Variants in PCDHA1 observed in about 807,000 individuals in gnomAD.
The protein encoded by PCDHA1 is protocadherin alpha 1, also known as protocadherin alpha-1.
In PCDHA1, 42 loss-of-function variants were observed where a neutral mutation model predicts 61.3. The ratio of observed to expected loss-of-function variants is 0.69; its 90% CI spans 0.54 to 0.89. The LOEUF is 0.89. Among genes scored for constraint, PCDHA1 ranks in the 40% least tolerant of loss-of-function variants. The pLI is 0.00. For synonymous variants in PCDHA1, 610 were observed against 553.8 expected (o/e 1.10, Z -1.43); for missense variants, 1,256 against 1,235.3 (o/e 1.02, Z -0.25).
At chr5:140,856,842 C>T (rs782696740) in intron 1 of PCDHA1, 1 of 1,592,718 alleles carries the variant, frequency 6.3e-7, no homozygotes, top group South Asian at 1.1e-5. Context: ...CGGCTCAACG[C>T]TTCTGATTCG....
intron 1 of PCDHA1, chr5:140,929,372 G>A: frequency 1.3e-6 from 2 of 1,514,740 alleles, no homozygotes; most frequent in Non-Finnish European, 1.8e-6. Context: ...GGAGATGGCT[G>A]CTAGCTGTGT....
At chr5:140,795,397 T>C (rs376858335) in intron 1 of PCDHA1, 1 of 1,614,058 alleles carries the variant, frequency 6.2e-7, no homozygotes, top group African/African-American at 1.3e-5. Context: ...GTTTCCCGAA[T>C]CAAGGCTGCT....
At chr5:140,966,751 G>A (rs1554228608) in intron 1 of PCDHA1, 1 of 1,429,674 alleles carries the variant, frequency 7.0e-7, no homozygotes, top group Admixed American at 2.7e-5. Flanking sequence ...GGCTGCCTCC[G>A]CCGCGGCCAG....
chr5:141,004,642 C>T (rs1470971220), intron 3 of PCDHA1, among the ~76,000 whole-genome samples: 1 of 152,120 alleles, frequency 6.6e-6, no homozygotes, highest in African/African-American at 2.4e-5. Context: ...GAAAAATTTC[C>T]ATTTTGGGCT....
intron 1 of PCDHA1, chr5:140,836,819 CT>C: frequency 9.0e-7 from 1 of 1,113,456 alleles, no homozygotes; most frequent in Non-Finnish European, 1.3e-6. Context: ...TTCATAATTT[CT>C]TTTTTAGTTG....
At chr5:141,003,609 G>A (rs2098131688) in intron 3 of PCDHA1, among the ~76,000 whole-genome samples, 1 of 151,970 alleles carries the variant, frequency 6.6e-6, no homozygotes, top group Non-Finnish European at 1.5e-5. Context: ...CACCATTCCC[G>A]GCCCCAGAGG....
At position 140,787,846 on chromosome 5, in the gene PCDHA1, C is replaced by T. The variant is rs781896106; in HGVS notation, c.1556C>T (p.Ala519Val). 8.7e-6 allele frequency: 14 copies of T among 1,612,738 alleles called. No homozygotes were observed. The South Asian group carries it at 1.1e-4, about 13-fold the overall frequency. The change falls in exon 1 of 4, where the codon GCA becomes GTA. Residue 519 changes from alanine (A) to valine (V), a missense_variant. By Grantham distance (64) the Ala-to-Val change is moderately conservative. Transcript: ENST00000504120. ...CACGCGGAGAGCGGCAAGGTGTACGCACTGCAGCCCCTGGACCACGAGGAG... is the reference window on the plus strand; with the variant it reads ...CACGCGGAGAGCGGCAAGGTGTACGTACTGCAGCCCCTGGACCACGAGGAG... ...SVHAESGKVY[A>V]LQPLDHEELE...
At chr5:140,864,250 T>G (rs2048388075) in intron 1 of PCDHA1, 1 of 152,242 alleles carries the variant, frequency 6.6e-6, no homozygotes, top group Non-Finnish European at 1.5e-5. Flanking sequence ...ATTCATTTTC[T>G]TATTCTGATT....
At chr5:140,886,501 T>C (rs1171128056) in intron 1 of PCDHA1, among the ~76,000 whole-genome samples, 1 of 152,108 alleles carries the variant, frequency 6.6e-6, no homozygotes, top group Non-Finnish European at 1.5e-5. Flanking sequence ...TCTTTTTCCT[T>C]TTATGGATTT....
At chr5:140,808,465 C>T (rs372009115) in intron 1 of PCDHA1, 7 of 1,614,064 alleles carry the variant, frequency 4.3e-6, no homozygotes, top group Admixed American at 1.7e-5. Flanking sequence ...TGGTGGTGAC[C>T]GCGCGAGACG....
chr5:140,941,242 T>TC (rs1312617364), intron 1 of PCDHA1, among the ~76,000 whole-genome samples: 1 of 141,172 alleles, frequency 7.1e-6, no homozygotes, highest in East Asian at 2.0e-4. Flanking sequence ...TTTCTTTCTT[T>TC]CTTTCTTTCT....
intron 3 of PCDHA1, among the ~76,000 whole-genome samples, chr5:141,007,525 G>C (rs782132903): frequency 1.3e-4 from 19 of 151,814 alleles, no homozygotes; most frequent in Non-Finnish European, 2.5e-4. Context: ...CTGATATCTC[G>C]CCACTGCACT....
intron 1 of PCDHA1, among the ~76,000 whole-genome samples, chr5:140,919,974 TAG>T (rs2153555647): frequency 7.5e-6 from 1 of 134,116 alleles, no homozygotes; most frequent in African/African-American, 2.6e-5. Context: ...AAATAAGAGA[TAG>T]AAGATGGAAA....
chr5:140,802,938 G>A (rs1581656451), intron 1 of PCDHA1: 1 of 1,613,838 alleles, frequency 6.2e-7, no homozygotes, highest in Non-Finnish European at 8.5e-7. Flanking sequence ...GAGCGAGCTG[G>A]TGCCGCGGTC....
chr5:140,935,405 A>G (rs1554210493), intron 1 of PCDHA1, among the ~76,000 whole-genome samples: 1 of 152,248 alleles, frequency 6.6e-6, no homozygotes, highest in Non-Finnish European at 1.5e-5. Context: ...GGACTCAAAC[A>G]ATGGACTTAG....
At chr5:140,966,914 G>A in intron 1 of PCDHA1, 1 of 1,602,270 alleles carries the variant, frequency 6.2e-7, no homozygotes, top group Non-Finnish European at 8.5e-7. Context: ...CTCTGTGCCA[G>A]AGGAGCAGGC....
chr5:140,848,876 C>T (rs2150423222), intron 1 of PCDHA1: 4 of 1,590,940 alleles, frequency 2.5e-6, no homozygotes, highest in Admixed American at 1.7e-5. Context: ...AGGACATTAA[C>T]GACAACCCTC....
At chr5:140,987,515 T>TA (rs2097257557) in intron 3 of PCDHA1, among the ~76,000 whole-genome samples, 1 of 152,160 alleles carries the variant, frequency 6.6e-6, no homozygotes, top group African/African-American at 2.4e-5. Flanking sequence ...TGCCACTCAG[T>TA]AATTGTATGT....
chr5:140,971,000 T>G (rs1409787417), intron 1 of PCDHA1, among the ~76,000 whole-genome samples: 2 of 152,196 alleles, frequency 1.3e-5, no homozygotes, highest in African/African-American at 4.8e-5. Flanking sequence ...ATCAAAGAGT[T>G]TCCAGAAGTC....
Sources: gnomAD v4.1 joint callset for allele counts (sites outside exome capture counted in the v4.1 genomes callset) on GRCh38, gnomAD v4.1.1 for gene constraint, MANE v1.5 for transcripts, NCBI Gene and HGNC (gene_info 2026-07-23, HGNC 2026-07-21) for gene names.